Variants in CSMD1 observed in about 807,000 individuals in gnomAD.
CSMD1 encodes the protein CUB and sushi domain-containing protein 1.
In CSMD1, 213 loss-of-function variants were observed where a neutral mutation model predicts 417.5. That is an observed-to-expected ratio of 0.51 (90% CI 0.46 to 0.57). The LOEUF (loss-of-function observed/expected upper bound fraction) is 0.57, where lower values mean the gene tolerates loss of function less well. CSMD1 is among the 20% of genes least tolerant of loss of function. The pLI, the probability that CSMD1 is intolerant of heterozygous loss-of-function variation, is 0.00. For synonymous variants in CSMD1, 2,862 were observed against 1,736.8 expected, an observed-to-expected ratio of 1.65 and a Z score of -16.11; for missense variants, 6,923 against 4,529.7, an observed-to-expected ratio of 1.53 and a Z score of -15.17.
chr8:3,711,600 C>A (rs1023941492), intron 6 of CSMD1, among the ~76,000 whole-genome samples: 6 of 152,166 alleles, frequency 3.9e-5, no homozygotes, highest in East Asian at 1.9e-4. Flanking sequence ...TCATCCTCAT[C>A]TCTGTGTTGT....
chr8:3,508,445 A>G (rs1281737654), intron 10 of CSMD1, among the ~76,000 whole-genome samples: 1 of 152,080 alleles, frequency 6.6e-6, no homozygotes, highest in African/African-American at 2.4e-5. Flanking sequence ...AACATGGCAC[A>G]TGTATACATA....
At chr8:4,341,513 C>G (rs1218215505) in intron 3 of CSMD1, among the ~76,000 whole-genome samples, 1 of 152,032 alleles carries the variant, frequency 6.6e-6, no homozygotes, top group African/African-American at 2.4e-5. Context: ...GAATGTGGCC[C>G]TTTCTAGGAA....
At chr8:4,510,112 T>C (rs1438369467) in intron 2 of CSMD1, among the ~76,000 whole-genome samples, 4 of 151,984 alleles carry the variant, frequency 2.6e-5, no homozygotes, top group African/African-American at 9.7e-5. Context: ...ATCTGATGGT[T>C]GTATAAAGGG....
intron 2 of CSMD1, among the ~76,000 whole-genome samples, chr8:4,464,419 G>C (rs1033475705): frequency 6.6e-6 from 1 of 152,134 alleles, no homozygotes; most frequent in Non-Finnish European, 1.5e-5. Flanking sequence ...GCTTAGCCTT[G>C]CCTACCTTAA....
chr8:3,433,946 C>G (rs892547818), intron 12 of CSMD1, among the ~76,000 whole-genome samples: 4 of 152,130 alleles, frequency 2.6e-5, no homozygotes, highest in Non-Finnish European at 5.9e-5. Context: ...CAGATGGCTC[C>G]CAGGCAAGAC....
intron 3 of CSMD1, among the ~76,000 whole-genome samples, chr8:4,129,338 T>G (rs1359652148): frequency 6.6e-6 from 1 of 152,140 alleles, no homozygotes; most frequent in Admixed American, 6.5e-5. Context: ...GAATTCATTT[T>G]TTGAACCTTC....
intron 1 of CSMD1, among the ~76,000 whole-genome samples, chr8:4,792,983 AATATATAT>A (rs34947549): frequency 3.4e-5 from 5 of 148,592 alleles, no homozygotes; most frequent in African/African-American, 5.0e-5. Context: ...ATGTGTATGC[AATATATAT>A]ATATATATAT....
At chr8:4,241,479 C>T (rs1446719939) in intron 3 of CSMD1, among the ~76,000 whole-genome samples, 2 of 152,168 alleles carry the variant, frequency 1.3e-5, no homozygotes, top group Non-Finnish European at 2.9e-5. Context: ...TCGCTTCATG[C>T]AGTGAGGATG....
chr8:3,678,570 C>G (rs1346042661), intron 7 of CSMD1, among the ~76,000 whole-genome samples: 1 of 152,092 alleles, frequency 6.6e-6, no homozygotes, highest in African/African-American at 2.4e-5. Context: ...ATTGGTGTAC[C>G]TGAGAGTGAC....
chr8:3,540,682 A>G (rs1171128938), intron 10 of CSMD1, among the ~76,000 whole-genome samples: 1 of 152,236 alleles, frequency 6.6e-6, no homozygotes, highest in African/African-American at 2.4e-5. Context: ...AAACAAATTT[A>G]CAAGAAAAAA....
intron 25 of CSMD1, among the ~76,000 whole-genome samples, chr8:3,294,297 C>T (rs376774850): frequency 2.6e-5 from 4 of 152,306 alleles, no homozygotes; most frequent in Middle Eastern, 3.4e-3. Context: ...GGCAGTCTGT[C>T]TGTTCTGAGA....
intron 7 of CSMD1, among the ~76,000 whole-genome samples, chr8:3,625,999 A>T (rs1188195602): frequency 6.6e-6 from 1 of 152,220 alleles, no homozygotes; most frequent in African/African-American, 2.4e-5. Flanking sequence ...AATAAAAAAT[A>T]GGAATATTCT....
At chr8:3,917,363 C>T (rs1808900764) in intron 5 of CSMD1, among the ~76,000 whole-genome samples, 1 of 152,038 alleles carries the variant, frequency 6.6e-6, no homozygotes, top group Admixed American at 6.6e-5. Flanking sequence ...CTCACTTTGA[C>T]ACTTCACCGC....
intron 2 of CSMD1, among the ~76,000 whole-genome samples, chr8:4,505,987 G>A (rs1401616964): frequency 2.0e-5 from 3 of 151,940 alleles, no homozygotes; most frequent in Non-Finnish European, 2.9e-5. Context: ...TAGTGGAGAT[G>A]GGGTGTCAAT....
intron 12 of CSMD1, among the ~76,000 whole-genome samples, chr8:3,426,073 T>A (rs955572055): frequency 6.6e-6 from 1 of 152,170 alleles, no homozygotes; most frequent in Non-Finnish European, 1.5e-5. Context: ...TCTGTGAAAA[T>A]GTAAAAAAGC....
intron 1 of CSMD1, among the ~76,000 whole-genome samples, chr8:4,874,163 T>A (rs1802903273): frequency 6.6e-6 from 1 of 152,104 alleles, no homozygotes; most frequent in Non-Finnish European, 1.5e-5. Context: ...AATAGCTTTA[T>A]ACTTGCATCA....
intron 1 of CSMD1, among the ~76,000 whole-genome samples, chr8:4,652,835 A>C (rs536851443): frequency 6.6e-6 from 1 of 152,242 alleles, no homozygotes; most frequent in African/African-American, 2.4e-5. Flanking sequence ...AAGACTGCAC[A>C]AACTAGATCC....
intron 2 of CSMD1, among the ~76,000 whole-genome samples, chr8:4,438,276 C>T (rs1563172923): frequency 6.6e-6 from 1 of 152,150 alleles, no homozygotes; most frequent in South Asian, 2.1e-4. Context: ...GTTGAAGAGA[C>T]CTGGGGCTTT....
At chr8:4,299,344 T>C (rs1460206747) in intron 3 of CSMD1, among the ~76,000 whole-genome samples, 2 of 151,558 alleles carry the variant, frequency 1.3e-5, no homozygotes, top group African/African-American at 4.9e-5. Flanking sequence ...CAAGAGGGGG[T>C]TTTTACTTGA....
Sources: allele counts gnomAD v4.1 joint callset (sites outside exome capture counted in the v4.1 genomes callset), GRCh38; gene constraint gnomAD v4.1.1; transcripts MANE v1.5; gene names NCBI Gene and HGNC (gene_info 2026-07-23, HGNC 2026-07-21).